The following CPQ variants were observed in gnomAD, a reference collection of about 807,000 sequenced individuals.
The protein encoded by CPQ is Ser-Met dipeptidase.
Under a neutral mutation model 45.7 loss-of-function variants are expected in CPQ, and 37 were observed. That is an observed-to-expected ratio of 0.81 (90% CI 0.62 to 1.07). CPQ has a LOEUF of 1.07. CPQ is among the 50% of genes least tolerant of loss of function. The pLI, the probability that CPQ is intolerant of heterozygous loss-of-function variation, is 0.00. For missense variants in CPQ, 537 were observed against 572.9 expected (o/e 0.94, Z 0.64); for synonymous variants, 186 against 205.8 (o/e 0.90, Z 0.82).
intron 2 of CPQ, among the ~76,000 whole-genome samples, chr8:96,801,857 G>A (rs1489553419): frequency 5.9e-5 from 9 of 152,078 alleles, no homozygotes; most frequent in African/African-American, 2.2e-4. Context: ...AGTATCATTG[G>A]TTAATAACTG....
chr8:96,838,756 G>A (rs940781475), intron 3 of CPQ, among the ~76,000 whole-genome samples: 1 of 152,012 alleles, frequency 6.6e-6, no homozygotes, highest in African/African-American at 2.4e-5. Flanking sequence ...TTTGTCTGAG[G>A]ATGTAGAGTA....
chr8:96,890,181 A>G (rs1812354916), intron 4 of CPQ, among the ~76,000 whole-genome samples: 2 of 152,256 alleles, frequency 1.3e-5, no homozygotes, highest in Non-Finnish European at 2.9e-5. Context: ...TACTGATATG[A>G]AGTCAATAAC....
intron 1 of CPQ, among the ~76,000 whole-genome samples, chr8:96,716,984 T>C (rs1257612331): frequency 1.4e-5 from 2 of 142,790 alleles, no homozygotes; most frequent in Non-Finnish European, 3.0e-5. Context: ...AATGTCATTA[T>C]TCCGTTCCTT....
intron 4 of CPQ, among the ~76,000 whole-genome samples, chr8:96,963,251 A>G (rs972289666): frequency 6.6e-6 from 1 of 152,212 alleles, no homozygotes; most frequent in Admixed American, 6.5e-5. Context: ...TCACTGAGAA[A>G]ATGTTCTGAG....
intron 4 of CPQ, among the ~76,000 whole-genome samples, chr8:96,940,434 A>C (rs1813110825): frequency 6.6e-6 from 1 of 152,194 alleles, no homozygotes; most frequent in South Asian, 2.1e-4. Flanking sequence ...ATAGTGCTCC[A>C]TCTTGCTCTC....
chr8:96,658,658 G>A (rs1282135943), intron 1 of CPQ, among the ~76,000 whole-genome samples: 1 of 152,202 alleles, frequency 6.6e-6, no homozygotes, highest in Non-Finnish European at 1.5e-5. Context: ...AATCACAAAG[G>A]TCTTTAAAAG....
At chr8:96,724,527 C>CA (rs1809809987) in intron 1 of CPQ, among the ~76,000 whole-genome samples, 1 of 143,120 alleles carries the variant, frequency 7.0e-6, no homozygotes, top group Non-Finnish European at 1.5e-5. Context: ...ACACACACAC[C>CA]CCTAGGAATA....
At chr8:97,068,263 GT>G (rs1484952820) in intron 7 of CPQ, among the ~76,000 whole-genome samples, 1 of 152,104 alleles carries the variant, frequency 6.6e-6, no homozygotes, top group Non-Finnish European at 1.5e-5. Flanking sequence ...CTTTGCCATG[GT>G]TTAAGATGAG....
intron 1 of CPQ, among the ~76,000 whole-genome samples, chr8:96,654,085 A>G (rs1470960528): frequency 6.6e-6 from 1 of 152,220 alleles, no homozygotes; most frequent in East Asian, 1.9e-4. Context: ...CGCTTCTGCC[A>G]GATTGTCTGA....
At chr8:96,895,046 G>A (rs981305479) in intron 4 of CPQ, among the ~76,000 whole-genome samples, 2 of 152,070 alleles carry the variant, frequency 1.3e-5, no homozygotes, top group East Asian at 1.9e-4. Flanking sequence ...ATTGAGTGCC[G>A]TCCGTGTGTT....
chr8:96,659,063 A>G (rs1448991453), intron 1 of CPQ, among the ~76,000 whole-genome samples: 1 of 152,244 alleles, frequency 6.6e-6, no homozygotes, highest in Non-Finnish European at 1.5e-5. Context: ...TAAACCTTTA[A>G]GATAGACCTG....
At chr8:96,886,672 A>G (rs7842399) in intron 4 of CPQ, among the ~76,000 whole-genome samples, 3,140 of 152,282 alleles carry the variant, frequency 0.021, 115 homozygotes, top group African/African-American at 0.072. Context: ...CATCTGGAAC[A>G]TAACTCTAGA....
intron 7 of CPQ, among the ~76,000 whole-genome samples, chr8:97,121,041 T>C (rs1811692770): frequency 6.6e-6 from 1 of 152,186 alleles, no homozygotes; most frequent in African/African-American, 2.4e-5. Flanking sequence ...ATATCCTACC[T>C]CATGTCACAA....
chr8:96,787,392 G>C (rs372865327), intron 2 of CPQ, among the ~76,000 whole-genome samples: 1 of 151,750 alleles, frequency 6.6e-6, no homozygotes, highest in Non-Finnish European at 1.5e-5. Flanking sequence ...TGCATTACTG[G>C]GATAAACCCC....
intron 5 of CPQ, among the ~76,000 whole-genome samples, chr8:96,999,230 C>CTT (rs56371640): frequency 1.4e-5 from 2 of 142,988 alleles, no homozygotes; most frequent in African/African-American, 5.1e-5. Context: ...TTTTCTTATC[C>CTT]TTTTTTTTTT....
chr8:96,786,429 G>A (rs1254989938), intron 2 of CPQ, among the ~76,000 whole-genome samples: 1 of 152,054 alleles, frequency 6.6e-6, no homozygotes, highest in Non-Finnish European at 1.5e-5. Flanking sequence ...TGCATCAGTT[G>A]ATGGACATTG....
chr8:97,040,659 TA>T (rs1476269342), intron 6 of CPQ, among the ~76,000 whole-genome samples: 2 of 152,238 alleles, frequency 1.3e-5, no homozygotes, highest in Non-Finnish European at 2.9e-5. Flanking sequence ...TTAATTTTTG[TA>T]TAAGGTGTAA....
chr8:96,930,454 T>G (rs1477048683), intron 4 of CPQ, among the ~76,000 whole-genome samples: 1 of 152,244 alleles, frequency 6.6e-6, no homozygotes. Context: ...GTTAGCTGTT[T>G]CCAAAGTGTA....
In CPQ at chr8:97,138,266, T is replaced by A. The variant is rs147532930; in HGVS notation, c.1256-4754T>A. Among the ~76,000 whole-genome samples, 571 of 152,316 alleles carry A rather than the reference T, an allele frequency of 3.7e-3. 15 individuals carry two copies. Among genetic ancestry groups the A allele is most frequent in the Admixed American group, 0.035 (541 of 15,294 alleles). On this transcript the variant is annotated intron_variant, in intron 7 of 7. Transcript: ENST00000220763. Reference sequence around the variant, plus strand: ...TCAACCAAACTGGAACGCTCACATGTTCTGTTCATCTGGAATACCTGTGCC... The same window carrying A: ...TCAACCAAACTGGAACGCTCACATGATCTGTTCATCTGGAATACCTGTGCC...
Sources: allele counts gnomAD v4.1 joint callset (sites outside exome capture counted in the v4.1 genomes callset), GRCh38; gene constraint gnomAD v4.1.1; transcripts MANE v1.5; gene names NCBI Gene and HGNC (gene_info 2026-07-23, HGNC 2026-07-21).